Variants in COLEC10 observed in about 807,000 individuals in gnomAD.
COLEC10 encodes collectin subfamily member 10, also known as collectin-10.
A neutral mutation model predicts 28.4 loss-of-function variants in COLEC10; 22 were observed. The ratio of observed to expected loss-of-function variants is 0.78; its 90% CI spans 0.55 to 1.11. The LOEUF (loss-of-function observed/expected upper bound fraction) is 1.11. Among genes scored for constraint, COLEC10 ranks in the 50% least tolerant of loss-of-function variants. The probability of loss-of-function intolerance (pLI) is 0.00; values close to 1 mark genes in which losing one functional copy is unlikely to be tolerated. For synonymous variants in COLEC10, 125 were observed against 116.1 expected (o/e 1.08, Z -0.49); for missense variants, 361 against 344.1 (o/e 1.05, Z -0.39).
At chr8:118,973,815 C>T in the COLEC10 span, among the ~76,000 whole-genome samples, 5 of 151,940 alleles carry the variant, frequency 3.3e-5, no homozygotes, top group African/African-American at 7.2e-5. Context: ...TCATGCCATA[C>T]GTATAGTCCA....
At chr8:118,996,507 A>G (rs1233461232) in intron 1 of COLEC10, among the ~76,000 whole-genome samples, 1 of 152,128 alleles carries the variant, frequency 6.6e-6, no homozygotes, top group Non-Finnish European at 1.5e-5. Context: ...ATTTCTCTGC[A>G]TCTTTGCCAA....
rs937042541 is a variant in COLEC10 at position 119,106,763 on chromosome 8, A to G, written c.*572A>G. 2.5e-4 allele frequency among the ~76,000 whole-genome samples: 38 copies of G among 152,304 alleles called. No individual in the cohort carries two copies. The highest frequency in any genetic ancestry group is 4.9e-4 in the Non-Finnish European group (33 of 68,018). On this transcript the variant is annotated 3_prime_UTR_variant, in exon 6 of 6. Transcript: ENST00000332843. ...AAATGCTTTAACCCCAAACCTTTATATGGGGGACTTCTAGCTTTGTGTCTT... is the reference window on the plus strand; with the variant it reads ...AAATGCTTTAACCCCAAACCTTTATGTGGGGGACTTCTAGCTTTGTGTCTT...
At chr8:118,988,514 G>C in the COLEC10 span, among the ~76,000 whole-genome samples, 1 of 152,054 alleles carries the variant, frequency 6.6e-6, no homozygotes, top group African/African-American at 2.4e-5. Flanking sequence ...AAATAGACTG[G>C]GAATGAGGCA....
intron 2 of COLEC10, among the ~76,000 whole-genome samples, chr8:119,049,807 A>G (rs1047430617): frequency 5.3e-5 from 8 of 152,258 alleles, no homozygotes; most frequent in Non-Finnish European, 1.2e-4. Context: ...CAAATGAATC[A>G]TACTATAAAT....
chr8:118,993,712 G>C (rs889312939), upstream of COLEC10, among the ~76,000 whole-genome samples: 1 of 152,094 alleles, frequency 6.6e-6, no homozygotes, highest in Non-Finnish European at 1.5e-5. Context: ...AAAGACACTG[G>C]TCATATTAAA....
rs894767381 is a variant in COLEC10, at chr8:119,008,640, C to T, written n.123-801C>T. The stretch of plus-strand genomic sequence containing the variant: ...AGTTGCTCATGACCCTGGTGGGTCC[C>T]TCATGGAATACATTAAAGCAATCGT... On this transcript the variant is annotated intron_variant and non_coding_transcript_variant, in intron 1 of 6. Transcript: ENST00000521788. 2.0e-5 allele frequency among the ~76,000 whole-genome samples: 3 copies of T among 150,480 alleles called. No homozygotes were observed. The East Asian group carries it at 5.8e-4, about 29-fold the overall frequency.
chr8:119,034,611 G>A (rs1814354772), intron 2 of COLEC10, among the ~76,000 whole-genome samples: 1 of 152,146 alleles, frequency 6.6e-6, no homozygotes, highest in South Asian at 2.1e-4. Flanking sequence ...TTGGGAGGCT[G>A]AGGCAGAGAA....
chr8:119,054,092 C>T (rs75942308), intron 2 of COLEC10, among the ~76,000 whole-genome samples: 4,409 of 152,076 alleles, frequency 0.029, 121 homozygotes, highest in East Asian at 0.16. Context: ...CTCTCATCTC[C>T]AAGATGACTA....
chr8:119,008,600 A>C (rs1157173222), intron 1 of COLEC10, among the ~76,000 whole-genome samples: 1 of 150,444 alleles, frequency 6.6e-6, no homozygotes, highest in Non-Finnish European at 1.5e-5. Flanking sequence ...GATTTCCCAG[A>C]ACCTGGGCTC....
intron 1 of COLEC10, among the ~76,000 whole-genome samples, chr8:119,000,108 A>C (rs550758296): frequency 6.6e-6 from 1 of 152,218 alleles, no homozygotes; most frequent in African/African-American, 2.4e-5. Flanking sequence ...ATGGTCTTAC[A>C]TGAGAGCAGG....
At chr8:118,973,801 C>T in the COLEC10 span, among the ~76,000 whole-genome samples, 121 of 152,040 alleles carry the variant, frequency 8.0e-4, no homozygotes, top group Middle Eastern at 3.4e-3. Flanking sequence ...AAGCATGAGT[C>T]GGGTCATGCC....
At chr8:119,042,067 C>T (rs373224015) in intron 2 of COLEC10, among the ~76,000 whole-genome samples, 15 of 151,878 alleles carry the variant, frequency 9.9e-5, no homozygotes, top group African/African-American at 3.1e-4. Flanking sequence ...GCACAATCTC[C>T]GCTCACTACA....
the COLEC10 span, among the ~76,000 whole-genome samples, chr8:118,959,185 G>A: frequency 1.3e-5 from 2 of 152,146 alleles, no homozygotes; most frequent in East Asian, 1.9e-4. Flanking sequence ...GTGTGAAAGA[G>A]GGGATTTCTT....
At chr8:119,023,433 A>G (rs929160312) in intron 2 of COLEC10, among the ~76,000 whole-genome samples, 1 of 152,276 alleles carries the variant, frequency 6.6e-6, no homozygotes, top group African/African-American at 2.4e-5. Context: ...AGCCTGGCAT[A>G]GAATACTTTT....
Position 119,091,781 on chromosome 8 carries a change from A to C in COLEC10, c.292+561A>C, listed in dbSNP as rs1815608359. Among the ~76,000 whole-genome samples the C allele has an allele frequency of 4.6e-5, 7 of 152,318 alleles. No homozygotes were observed. The South Asian group carries it at 1.5e-3, about 32-fold the overall frequency. ...ATATATCTCACAGCTCAAAAAAAGA[A>C]ATACCTAGAATAAAATGAAACAAGA... On this transcript the variant is annotated intron_variant, in intron 3 of 5. Transcript: ENST00000332843.
upstream of COLEC10, among the ~76,000 whole-genome samples, chr8:119,065,192 G>A (rs1315561845): frequency 2.0e-5 from 3 of 152,146 alleles, no homozygotes; most frequent in Admixed American, 6.6e-5. Context: ...TGGCCTGTTA[G>A]GAGCACGGCT....
chr8:119,047,321 C>A lies in COLEC10; in HGVS notation n.235+37768C>A, dbSNP rs138885308. Among the ~76,000 whole-genome samples, 1,188 of 152,288 alleles carry A rather than the reference C, an allele frequency of 7.8e-3. 11 individuals are homozygous for A. Among genetic ancestry groups the A allele is most frequent in the African/African-American group, 0.026 (1,067 of 41,566 alleles). On this transcript the variant is annotated intron_variant and non_coding_transcript_variant, in intron 2 of 6. Transcript: ENST00000521788. ...TCAAGCAGCCAGAAAATCATGGACT[C>A]ATTTCAACTGTGGAAGTTCAGGGCG...
chr8:119,074,796 G>A (rs1416211369), intron 1 of COLEC10, among the ~76,000 whole-genome samples: 1 of 152,124 alleles, frequency 6.6e-6, no homozygotes, highest in Non-Finnish European at 1.5e-5. Context: ...TGAGCCTGGC[G>A]TTCCTTATTA....
At chr8:119,076,388 A>C (rs1401458403) in intron 1 of COLEC10, among the ~76,000 whole-genome samples, 1 of 151,572 alleles carries the variant, frequency 6.6e-6, no homozygotes, top group Non-Finnish European at 1.5e-5. Context: ...CAGCCTCCTG[A>C]GTAGCTGGGA....
Sources: allele counts gnomAD v4.1 joint callset (sites outside exome capture counted in the v4.1 genomes callset), GRCh38; gene constraint gnomAD v4.1.1; transcripts MANE v1.5; gene names NCBI Gene and HGNC (gene_info 2026-07-23, HGNC 2026-07-21).